KDM1A: variants seen among roughly 807,000 people sequenced by gnomAD.
KDM1A encodes the protein lysine-specific histone demethylase 1A.
Under a neutral mutation model 109.4 loss-of-function variants are expected in KDM1A, and 49 were observed. That is an observed-to-expected ratio of 0.45 (90% CI 0.36 to 0.57). The LOEUF (loss-of-function observed/expected upper bound fraction) is 0.57, where lower values mean the gene tolerates loss of function less well. Ranked by LOEUF, KDM1A falls within the 20% of genes least tolerant of loss-of-function variation. The pLI is 0.00. For missense variants in KDM1A, 668 were observed against 1,116.6 expected (o/e 0.60, Z 5.73); for synonymous variants, 380 against 415.4 (o/e 0.91, Z 1.04).
At chr1:23,034,932 T>C (rs1642098674) in intron 2 of KDM1A, among the ~76,000 whole-genome samples, 1 of 152,194 alleles carries the variant, frequency 6.6e-6, no homozygotes, top group Non-Finnish European at 1.5e-5. Flanking sequence ...GTGTGTATCA[T>C]TTTTCTAGGC....
rs889045477 is a variant in KDM1A at position 23,052,026 on chromosome 1, A to AT, written c.711+1515dup. On this transcript the variant is annotated intron_variant, in intron 4 of 20. Coordinates refer to ENST00000400181, the MANE Select transcript of KDM1A (RefSeq NM_001009999.3). ...GCATATCAACATTTGCTCTAAGTGG[A>AT]TTTTTTTTTAGACAAAATTGTCATT... Among the ~76,000 whole-genome samples, 40 of 151,390 alleles carry AT rather than the reference A, an allele frequency of 2.6e-4. No individual in the cohort carries two copies. The South Asian group carries it at 3.6e-3, about 13-fold the overall frequency.
intron 3 of KDM1A, among the ~76,000 whole-genome samples, chr1:23,045,669 C>G (rs1035199310): frequency 6.6e-6 from 1 of 151,342 alleles, no homozygotes; most frequent in African/African-American, 2.4e-5. Context: ...TTTTTTGTTT[C>G]TGTTTTTTTT....
At chr1:23,042,445 T>TTA in intron 2 of KDM1A, among the ~76,000 whole-genome samples, 2 of 71,250 alleles carry the variant, frequency 2.8e-5, no homozygotes, top group Non-Finnish European at 5.9e-5. Context: ...ATATTATTTT[T>TTA]TTTTTTTTTT....
intron 2 of KDM1A, among the ~76,000 whole-genome samples, chr1:23,038,994 G>A (rs1642229903): frequency 6.6e-6 from 1 of 152,168 alleles, no homozygotes. Flanking sequence ...ACAGGTGTGA[G>A]CCACTGTCAA....
In KDM1A at chr1:23,079,763, CTCTT is replaced by C. The variant is rs759574637; in HGVS notation, c.2170+98_2170+101del. 4 of 684,152 alleles carry C rather than the reference CTCTT, an allele frequency of 5.8e-6. No homozygotes were observed. Among genetic ancestry groups the C allele is most frequent in the East Asian group, 3.0e-5 (1 of 33,150 alleles). The allele number at this position is 684,152 out of a possible 1,614,324, so 42.4% of individuals were successfully genotyped here. A position where few individuals can be genotyped will look rare whatever the true frequency, so the allele number is the denominator to read the frequency against. On this transcript the variant is annotated intron_variant, in intron 18 of 20. Transcript: ENST00000400181. The surrounding 1 kb of genome is among the most constrained non-coding windows in gnomAD (Gnocchi z 5.6). ...TCTCAATATATATGCCTTAATTTCT[CTCTT>C]TATTAACTCAACAAACAATTCCTGA...
chr1:23,068,782 T>A, intron 11 of KDM1A, 101 bp downstream of exon 11: 1 of 1,073,812 alleles, frequency 9.3e-7, no homozygotes, highest in Non-Finnish European at 1.3e-6. Flanking sequence ...AGGTAGTTTT[T>A]ACTTAATTTT....
chr1:23,047,860 C>T (rs1642545792), intron 3 of KDM1A, among the ~76,000 whole-genome samples: 1 of 150,764 alleles, frequency 6.6e-6, no homozygotes, highest in Admixed American at 6.6e-5. Context: ...TGCCCCTGCA[C>T]TTCAGGAGCC....
intron 2 of KDM1A, among the ~76,000 whole-genome samples, chr1:23,035,681 C>T (rs1490480743): frequency 1.3e-5 from 2 of 151,922 alleles, no homozygotes; most frequent in Non-Finnish European, 2.9e-5. Flanking sequence ...TACTAAATTA[C>T]AGAAAATACA....
intron 2 of KDM1A, among the ~76,000 whole-genome samples, chr1:23,035,716 A>G (rs982711801): frequency 1.3e-5 from 2 of 152,234 alleles, no homozygotes; most frequent in African/African-American, 4.8e-5. Context: ...AAGAATTTAA[A>G]GAGTCAATGA....
rs1378269560 is a variant in KDM1A at position 23,079,680 on chromosome 1, T to TA, written c.2170+15dup. ...AACCTCTATAAAGGTAAATGCCTTC[T>TA]AATTTTAATCTTTTCCATATCCTTA... On this transcript the variant is annotated intron_variant, in intron 18 of 20. Coordinates refer to ENST00000400181, the MANE Select transcript of KDM1A (RefSeq NM_001009999.3). The surrounding 1 kb of genome is among the most constrained non-coding windows in gnomAD (Gnocchi z 5.6). 6.6e-7 allele frequency: 1 copy of TA among 1,522,426 alleles called. No homozygotes were observed. Among genetic ancestry groups the TA allele is most frequent in the Non-Finnish European group, 9.0e-7 (1 of 1,110,234 alleles). The allele number at this position is 1,522,426 out of a possible 1,614,324, so 94.3% of individuals were successfully genotyped here. A position where few individuals can be genotyped will look rare whatever the true frequency, so the allele number is the denominator to read the frequency against.
At chr1:23,031,771 G>A (rs987058171) in intron 2 of KDM1A, among the ~76,000 whole-genome samples, 1 of 152,134 alleles carries the variant, frequency 6.6e-6, no homozygotes, top group East Asian at 1.9e-4. Context: ...TACAGTTTGA[G>A]AACATTCAGA....
intron 12 of KDM1A, among the ~76,000 whole-genome samples, chr1:23,069,737 C>A (rs1021670216): frequency 6.6e-6 from 1 of 152,198 alleles, no homozygotes; most frequent in Non-Finnish European, 1.5e-5. Flanking sequence ...ATAATTATTT[C>A]TCTTGAGTTG....
In KDM1A at chr1:23,030,651, A is replaced by G; in HGVS notation, c.517+17A>G. ...AACCATCGGGTGAGTTGTAGTATCC[A>G]ACCACAGTTCTGTTTTATCTTAGAA... On this transcript the variant is annotated intron_variant, in intron 2 of 20. Coordinates refer to ENST00000400181, the MANE Select transcript of KDM1A (RefSeq NM_001009999.3). The G allele has an allele frequency of 6.6e-7, 1 of 1,519,974 alleles. No homozygotes were observed. Among genetic ancestry groups the G allele is most frequent in the Non-Finnish European group, 8.8e-7 (1 of 1,139,360 alleles). 94.2% of individuals were successfully genotyped at this position (1,519,974 alleles called of 1,614,324 possible).
intron 2 of KDM1A, among the ~76,000 whole-genome samples, chr1:23,041,435 C>CT (rs66720696): frequency 0.05 from 2,657 of 53,158 alleles, 19 homozygotes; most frequent in African/African-American, 0.083. Context: ...TCTTTTCTTG[C>CT]TTTTTTTTTT....
chr1:23,081,811 A>C (rs1643628230), intron 19 of KDM1A: 3 of 491,224 alleles, frequency 6.1e-6, no homozygotes, highest in Non-Finnish European at 1.1e-5. Context: ...TTAGAGTCAC[A>C]CCAGATCCCT....
chr1:23,044,631 G>T, intron 3 of KDM1A, 145 bp downstream of exon 3: 1 of 651,862 alleles, frequency 1.5e-6, no homozygotes. Flanking sequence ...TAGTATAGTA[G>T]GAGAGAGTGT....
Position 23,059,728 on chromosome 1 carries a change from G to A in KDM1A, c.1167+561G>A, listed in dbSNP as rs541227270. Among the ~76,000 whole-genome samples, 3 of 152,294 alleles carry A rather than the reference G, an allele frequency of 2.0e-5. No individual in the cohort carries two copies. The East Asian group carries it at 5.8e-4, about 29-fold the overall frequency. Reference sequence around the variant, plus strand: ...GGTATGGGGAATTGCACAGTTTAATGACTGTAAGATAAGCTTAGATTACAT... The same window carrying A: ...GGTATGGGGAATTGCACAGTTTAATAACTGTAAGATAAGCTTAGATTACAT... On this transcript the variant is annotated intron_variant, in intron 9 of 20. Transcript: ENST00000400181.
In KDM1A at chr1:23,073,296, G is replaced by GTA. The variant is rs1197604081; in HGVS notation, c.1631_1632dup (p.Leu545IlefsTer46). 1 of 1,547,860 alleles carries GTA rather than the reference G, an allele frequency of 6.5e-7. No individual in the cohort carries two copies. Among genetic ancestry groups the GTA allele is most frequent in the Non-Finnish European group, 8.9e-7 (1 of 1,120,894 alleles). Reference sequence around the variant, plus strand: ...TAGTCCTTTGTTCTTTTGCAGTGATGTATATCTCTCATCAAGAGACAGACA... The same window carrying GTA: ...TAGTCCTTTGTTCTTTTGCAGTGATGTATATATCTCTCATCAAGAGACAGACA... On this transcript the variant is annotated frameshift_variant, in exon 15 of 21. Coordinates refer to ENST00000400181, the MANE Select transcript of KDM1A (RefSeq NM_001009999.3). LOFTEE classifies it high-confidence loss of function.
intron 15 of KDM1A, 33 bp downstream of exon 15, chr1:23,073,436 A>G (rs763949409): frequency 1.7e-6 from 2 of 1,204,136 alleles, no homozygotes; most frequent in South Asian, 1.2e-5. Context: ...TTTATTGCAC[A>G]TGCCTTTGAG....
Sources: allele counts gnomAD v4.1 joint callset (sites outside exome capture counted in the v4.1 genomes callset), GRCh38; gene constraint gnomAD v4.1.1; non-coding constraint Gnocchi (gnomAD v3.1); transcripts MANE v1.5; gene names NCBI Gene and HGNC (gene_info 2026-07-23, HGNC 2026-07-21).